Variants in PPP4R2 observed in about 807,000 individuals in gnomAD.
The protein encoded by PPP4R2 is protein phosphatase 4 regulatory subunit 2, also known as serine/threonine-protein phosphatase 4 regulatory subunit 2.
Under a neutral mutation model 47.2 loss-of-function variants are expected in PPP4R2, and 13 were observed. The observed-to-expected ratio is 0.28, with a 90% confidence interval of 0.18 to 0.44. The LOEUF is 0.44. Ranked by LOEUF, PPP4R2 falls within the 20% of genes least tolerant of loss-of-function variation. PPP4R2 has a pLI of 1.00. For missense variants in PPP4R2, 421 were observed against 491.2 expected (o/e 0.86, Z 1.35); for synonymous variants, 151 against 163.3 (o/e 0.92, Z 0.57).
rs961778626 is a variant in PPP4R2, at chr3:73,067,460, T to C, written c.*1738T>C. ...ACTTGACTGTCAGGTTCACAACAGC[T>C]AGATGATATATTTATGACTATGTCT... On this transcript the variant is annotated 3_prime_UTR_variant, in exon 9 of 9. Coordinates refer to ENST00000356692, the MANE Select transcript of PPP4R2 (RefSeq NM_174907.4). 6.6e-6 allele frequency: 1 copy of C among 152,158 alleles called. No homozygotes were observed. The highest frequency in any genetic ancestry group is 1.5e-5 in the Non-Finnish European group (1 of 67,986). The allele number at this position is 152,158 out of a possible 1,614,324, so 9.4% of individuals were successfully genotyped here. A position where few individuals can be genotyped will look rare whatever the true frequency, so the allele number is the denominator to read the frequency against.
At chr3:73,004,910 C>T (rs1475874768) in intron 2 of PPP4R2, among the ~76,000 whole-genome samples, 2 of 79,264 alleles carry the variant, frequency 2.5e-5, no homozygotes, top group African/African-American at 5.7e-5. Context: ...GAGTCGGAGT[C>T]ATGTGTGTGT....
At position 73,065,068 on chromosome 3, in the gene PPP4R2, A is replaced by G. The variant is rs751192363; in HGVS notation, c.855A>G (p.Lys285=). The stretch of plus-strand genomic sequence containing the variant: ...AAGCATCATCTTCATCTCAGGATAA[A>G]GACAAAGATAGCCGTTGTACCCGGC... The part of the protein sequence containing the change: ...ETEASSSSQD[K]DKDSRCTRQH... The change falls in exon 8 of 9, where the codon AAA becomes AAG. Residue 285 remains lysine (K), a synonymous_variant. Transcript: ENST00000356692. The G allele has an allele frequency of 6.2e-7, 1 of 1,614,082 alleles. No individual in the cohort carries two copies. Among genetic ancestry groups the G allele is most frequent in the Non-Finnish European group, 8.5e-7 (1 of 1,179,942 alleles).
intron 2 of PPP4R2, among the ~76,000 whole-genome samples, chr3:73,020,346 G>A (rs183071837): frequency 3.3e-5 from 5 of 151,578 alleles, no homozygotes; most frequent in African/African-American, 7.3e-5. Context: ...ACATCCCCAC[G>A]CCTGGCTTAT....
chr3:73,057,347 T>G (rs1702749686), intron 3 of PPP4R2, among the ~76,000 whole-genome samples: 1 of 152,138 alleles, frequency 6.6e-6, no homozygotes, highest in Admixed American at 6.6e-5. Flanking sequence ...TTGGTGTGCT[T>G]TGTACTTCCC....
chr3:73,049,091 A>G (rs1702555009), intron 3 of PPP4R2, among the ~76,000 whole-genome samples: 1 of 152,234 alleles, frequency 6.6e-6, no homozygotes, highest in Admixed American at 6.5e-5. Flanking sequence ...ATTTTTCAGA[A>G]AAAGGAAAAA....
At position 73,063,846 on chromosome 3, in the gene PPP4R2, C is replaced by T. The variant is rs981233496; in HGVS notation, c.494+99C>T. ...TTAAAAATTGGGCATTTTATGGACA[C>T]CATAGGATGAACTACATAGAATTAG... On this transcript the variant is annotated intron_variant, in intron 6 of 8. Transcript: ENST00000356692. 9 of 1,106,446 alleles carry T rather than the reference C, an allele frequency of 8.1e-6. No homozygotes were observed. The Admixed American group carries it at 1.4e-4, about 17-fold the overall frequency. The allele number at this position is 1,106,446 out of a possible 1,614,324, so 68.5% of individuals were successfully genotyped here.
intron 2 of PPP4R2, among the ~76,000 whole-genome samples, chr3:73,035,449 G>T (rs1039335133): frequency 6.6e-5 from 10 of 152,050 alleles, no homozygotes; most frequent in African/African-American, 2.4e-4. Context: ...TGCAGAAAAA[G>T]GGAAACACTA....
chr3:73,053,787 T>G lies in PPP4R2; in HGVS notation c.288-5250T>G, dbSNP rs191397624. On this transcript the variant is annotated intron_variant, in intron 3 of 8. Transcript: ENST00000356692. The stretch of plus-strand genomic sequence containing the variant: ...AGCTGGGCGTGGTGGCAGGCGCCTG[T>G]AGTCCCAGCTACTCGGGAGGCTGAG... Among the ~76,000 whole-genome samples, 705 of 151,214 alleles carry G rather than the reference T, an allele frequency of 4.7e-3. 4 individuals carry two copies. The highest frequency in any genetic ancestry group is 0.016 in the African/African-American group (667 of 41,242).
chr3:73,018,219 T>G (rs2107243630), intron 2 of PPP4R2, among the ~76,000 whole-genome samples: 1 of 152,266 alleles, frequency 6.6e-6, no homozygotes, highest in Non-Finnish European at 1.5e-5. Context: ...GGGGTCAACT[T>G]AAACATAGAT....
At chr3:73,009,723 T>C (rs1231749945) in intron 2 of PPP4R2, among the ~76,000 whole-genome samples, 1 of 152,242 alleles carries the variant, frequency 6.6e-6, no homozygotes, top group Non-Finnish European at 1.5e-5. Context: ...AAGTTTGTTA[T>C]TCAGGATCCA....
intron 7 of PPP4R2, among the ~76,000 whole-genome samples, chr3:73,064,603 A>G (rs1702946403): frequency 6.6e-6 from 1 of 152,200 alleles, no homozygotes; most frequent in Admixed American, 6.5e-5. Flanking sequence ...GGTTTATTGT[A>G]GGAGAATATT....
intron 3 of PPP4R2, among the ~76,000 whole-genome samples, chr3:73,050,552 C>G (rs1702589697): frequency 6.6e-6 from 1 of 152,084 alleles, no homozygotes; most frequent in African/African-American, 2.4e-5. Context: ...CTCCTCCCCC[C>G]ATTTGTAATA....
intron 2 of PPP4R2, among the ~76,000 whole-genome samples, chr3:73,033,578 G>C (rs1379816030): frequency 2.0e-5 from 3 of 152,192 alleles, no homozygotes; most frequent in African/African-American, 7.2e-5. Context: ...TAAATGTACA[G>C]TTCAGTGGCA....
At chr3:73,062,123 C>T (rs1012768603) in intron 5 of PPP4R2, 6 of 1,548,736 alleles carry the variant, frequency 3.9e-6, no homozygotes, top group Non-Finnish European at 5.2e-6. Flanking sequence ...TTAATTCTCA[C>T]AGTCTTTTTG....
Position 72,997,059 on chromosome 3 carries a change from G to C in PPP4R2, c.22G>C (p.Glu8Gln), listed in dbSNP as rs369660973. Residue 8 changes from glutamate (E) to glutamine (Q), a missense_variant, in exon 1 of 9, where the codon GAG becomes CAG. Coordinates refer to ENST00000356692, the MANE Select transcript of PPP4R2 (RefSeq NM_174907.4). ...AGCCATGGACGTCGAGAGGCTCCAG[G>C]AGGCGCTGAAAGGTGGGGGTAGCTG... Reference protein sequence around the residue: MDVERLQEALKDFEKRGK... With the variant: MDVERLQQALKDFEKRGK... 11 of 1,407,978 alleles carry C rather than the reference G, an allele frequency of 7.8e-6. No homozygotes were observed. Among genetic ancestry groups the C allele is most frequent in the Admixed American group, 2.5e-5 (1 of 39,610 alleles). The allele number at this position is 1,407,978 out of a possible 1,614,324, so 87.2% of individuals were successfully genotyped here. A position where few individuals can be genotyped will look rare whatever the true frequency, so the allele number is the denominator to read the frequency against.
At chr3:73,000,428 C>G (rs754616344) in intron 2 of PPP4R2, among the ~76,000 whole-genome samples, 12 of 152,156 alleles carry the variant, frequency 7.9e-5, no homozygotes, top group Non-Finnish European at 1.2e-4. Flanking sequence ...GTTTATGGAT[C>G]AAAATCAGTG....
intron 2 of PPP4R2, among the ~76,000 whole-genome samples, chr3:73,038,882 CT>C (rs1229109283): frequency 6.6e-6 from 1 of 152,180 alleles, no homozygotes; most frequent in Non-Finnish European, 1.5e-5. Context: ...CTGAAGCTTT[CT>C]TTTTCATCTG....
At chr3:73,005,639 G>A (rs922855761) in intron 2 of PPP4R2, among the ~76,000 whole-genome samples, 3 of 151,732 alleles carry the variant, frequency 2.0e-5, no homozygotes, top group East Asian at 1.9e-4. Flanking sequence ...ACCTGAGGTC[G>A]GGAGTTCAAG....
chr3:72,999,255 G>A (rs1420133109), intron 2 of PPP4R2, among the ~76,000 whole-genome samples: 2 of 152,108 alleles, frequency 1.3e-5, no homozygotes, highest in African/African-American at 4.8e-5. Context: ...CCTCTGGGCG[G>A]GGGAAGTCAT....
Sources: gnomAD v4.1 joint callset for allele counts (sites outside exome capture counted in the v4.1 genomes callset) on GRCh38, gnomAD v4.1.1 for gene constraint, MANE v1.5 for transcripts, NCBI Gene and HGNC (gene_info 2026-07-23, HGNC 2026-07-21) for gene names.